The following SGCZ variants were observed in gnomAD, a reference collection of about 807,000 sequenced individuals.
SGCZ encodes the protein sarcoglycan zeta.
In SGCZ, 40 loss-of-function variants were observed where a neutral mutation model predicts 41.3. The ratio of observed to expected loss-of-function variants is 0.97; its 90% confidence interval spans 0.75 to 1.26. The LOEUF (loss-of-function observed/expected upper bound fraction) is 1.26. Among genes scored for constraint, SGCZ ranks in the 50% most tolerant of loss-of-function variants. The pLI is 0.00. For missense variants in SGCZ, 552 were observed against 369.8 expected, an observed-to-expected ratio of 1.49 and a Z score of -4.04; for synonymous variants, 206 against 137.5, an observed-to-expected ratio of 1.50 and a Z score of -3.49.
At chr8:14,613,819 T>C (rs1335148966) in intron 1 of SGCZ, among the ~76,000 whole-genome samples, 3 of 152,100 alleles carry the variant, frequency 2.0e-5, no homozygotes, top group Non-Finnish European at 4.4e-5. Context: ...AGGAATGAAA[T>C]TGAGACTGAA....
intron 2 of SGCZ, among the ~76,000 whole-genome samples, chr8:14,398,515 A>C (rs993745603): frequency 1.3e-5 from 2 of 152,168 alleles, no homozygotes; most frequent in African/African-American, 4.8e-5. Context: ...AAAGAAGCTG[A>C]GGCAAAATTA....
intron 1 of SGCZ, among the ~76,000 whole-genome samples, chr8:15,185,467 C>T (rs1293421752): frequency 6.6e-6 from 1 of 152,172 alleles, no homozygotes; most frequent in African/African-American, 2.4e-5. Flanking sequence ...GTTTGACTTA[C>T]ATGTATGTTC....
intron 1 of SGCZ, among the ~76,000 whole-genome samples, chr8:14,672,882 T>C (rs1808149406): frequency 6.6e-6 from 1 of 152,136 alleles, no homozygotes; most frequent in South Asian, 2.1e-4. Context: ...CAGAAAAATA[T>C]TTTAGCCTTT....
At chr8:14,350,953 T>C (rs960693181) in intron 2 of SGCZ, among the ~76,000 whole-genome samples, 2 of 152,192 alleles carry the variant, frequency 1.3e-5, no homozygotes, top group African/African-American at 4.8e-5. Flanking sequence ...GAGTTTTCCG[T>C]GTTGGATAAA....
rs76872508 is a variant in SGCZ, at chr8:14,514,028, T to A, written c.234+40704A>T. Among the ~76,000 whole-genome samples the A allele has an allele frequency of 5.0e-3, 760 of 152,256 alleles. 7 individuals carry two copies. Among genetic ancestry groups the A allele is most frequent in the African/African-American group, 0.016 (678 of 41,572 alleles). On this transcript the variant is annotated intron_variant, in intron 2 of 7. Coordinates refer to ENST00000382080, the MANE Select transcript of SGCZ (RefSeq NM_139167.4). Reference sequence around the variant, plus strand: ...GGTTTACAGCTTAAATATTTTGGACTTTGATGAGCATAATAAGAACACTGT... The same window carrying A: ...GGTTTACAGCTTAAATATTTTGGACATTGATGAGCATAATAAGAACACTGT...
chr8:14,619,641 C>G (rs1221254163), intron 1 of SGCZ, among the ~76,000 whole-genome samples: 1 of 152,066 alleles, frequency 6.6e-6, no homozygotes, highest in Non-Finnish European at 1.5e-5. Context: ...TTCTTATACA[C>G]CAAGAGCAGA....
intron 1 of SGCZ, among the ~76,000 whole-genome samples, chr8:15,008,655 AAGGAGATGGGAGGGG>A (rs573115530): frequency 0.023 from 2,115 of 92,174 alleles, 148 homozygotes; most frequent in African/African-American, 0.051. Flanking sequence ...GGAAGGAGGG[AAGGAGATGGGAGGGG>A]AGGAGATGGG....
chr8:14,703,362 G>A (rs1414446658), intron 1 of SGCZ, among the ~76,000 whole-genome samples: 3 of 151,688 alleles, frequency 2.0e-5, no homozygotes, highest in Admixed American at 6.6e-5. Flanking sequence ...TCTTTGCCTG[G>A]GTGGTCTGTA....
intron 1 of SGCZ, among the ~76,000 whole-genome samples, chr8:14,881,374 T>G (rs1804582215): frequency 6.6e-6 from 1 of 152,242 alleles, no homozygotes; most frequent in South Asian, 2.1e-4. Context: ...TCGACCCCCA[T>G]ACACCATGTC....
chr8:15,145,079 G>T (rs1799002012), intron 1 of SGCZ, among the ~76,000 whole-genome samples: 1 of 152,120 alleles, frequency 6.6e-6, no homozygotes, highest in Non-Finnish European at 1.5e-5. Flanking sequence ...TGATTGCACA[G>T]AGTCACAAGA....
intron 3 of SGCZ, among the ~76,000 whole-genome samples, chr8:14,272,799 GA>G (rs1416803961): frequency 2.0e-5 from 3 of 152,082 alleles, no homozygotes; most frequent in African/African-American, 7.2e-5. Context: ...GTGTCAGGTT[GA>G]AAAACTAAAA....
At chr8:14,754,421 T>A (rs1202862134) in intron 1 of SGCZ, among the ~76,000 whole-genome samples, 1 of 152,190 alleles carries the variant, frequency 6.6e-6, no homozygotes, top group Admixed American at 6.5e-5. Context: ...AGCATTTTTG[T>A]ATGTGGACAT....
chr8:14,177,569 G>T (rs184514093), intron 4 of SGCZ, among the ~76,000 whole-genome samples: 4 of 152,246 alleles, frequency 2.6e-5, no homozygotes, highest in African/African-American at 9.6e-5. Flanking sequence ...GAGTGCAGTG[G>T]CGCCATCTGG....
In SGCZ at chr8:15,180,717, C is replaced by T. The variant is rs978332435; in HGVS notation, c.39+56868G>A. 2.2e-4 allele frequency among the ~76,000 whole-genome samples: 34 copies of T among 152,022 alleles called. 1 individual carries two copies. The highest frequency in any genetic ancestry group is 1.0e-3 in the Admixed American group (16 of 15,256). ...TGGCTAACATGTTGAAATTCCATCTCTATTAAAAATACAAACAAAATTAGC... is the reference window on the plus strand; with the variant it reads ...TGGCTAACATGTTGAAATTCCATCTTTATTAAAAATACAAACAAAATTAGC... On this transcript the variant is annotated intron_variant, in intron 1 of 7. Coordinates refer to ENST00000382080, the MANE Select transcript of SGCZ (RefSeq NM_139167.4).
intron 1 of SGCZ, among the ~76,000 whole-genome samples, chr8:14,672,314 T>C (rs539357579): frequency 3.9e-5 from 6 of 152,276 alleles, no homozygotes; most frequent in African/African-American, 9.6e-5. Flanking sequence ...CAATGTCTCA[T>C]ATTCCATAGC....
chr8:14,125,659 C>T (rs760792738), intron 5 of SGCZ, among the ~76,000 whole-genome samples: 6 of 151,976 alleles, frequency 3.9e-5, no homozygotes, highest in Non-Finnish European at 7.4e-5. Flanking sequence ...AGAAAAGAAC[C>T]CTTATAGCCA....
chr8:15,062,510 G>C (rs1041015563), intron 1 of SGCZ, among the ~76,000 whole-genome samples: 10 of 152,218 alleles, frequency 6.6e-5, no homozygotes, highest in African/African-American at 2.4e-4. Context: ...AATAGAAATA[G>C]TCAAGTAGTC....
intron 1 of SGCZ, among the ~76,000 whole-genome samples, chr8:14,811,082 G>T (rs1801723935): frequency 6.6e-6 from 1 of 151,852 alleles, no homozygotes; most frequent in African/African-American, 2.4e-5. Context: ...TATAAAAAAA[G>T]TTTTTAAAAA....
At chr8:14,259,438 T>G (rs1799576498) in intron 3 of SGCZ, among the ~76,000 whole-genome samples, 1 of 150,914 alleles carries the variant, frequency 6.6e-6, no homozygotes, top group Non-Finnish European at 1.5e-5. Flanking sequence ...GTTTTTATGG[T>G]TTTAGGTCGA....
Sources: allele counts gnomAD v4.1 joint callset (sites outside exome capture counted in the v4.1 genomes callset), GRCh38; gene constraint gnomAD v4.1.1; transcripts MANE v1.5; gene names NCBI Gene and HGNC (gene_info 2026-07-23, HGNC 2026-07-21).